MAPK10: variants seen among roughly 807,000 people sequenced by gnomAD.
MAPK10 encodes the protein mitogen-activated protein kinase 10, also known as JNK3 alpha protein kinase.
A neutral mutation model predicts 59.3 loss-of-function variants in MAPK10; 25 were observed. That is an observed-to-expected ratio of 0.42 (90% confidence interval 0.31 to 0.59). MAPK10 has a LOEUF of 0.59. Ranked by LOEUF, MAPK10 falls within the 20% of genes least tolerant of loss-of-function variation. The pLI is 0.15. For missense variants in MAPK10, 351 were observed against 568.9 expected, an observed-to-expected ratio of 0.62 and a Z score of 3.90; for synonymous variants, 190 against 200.5, an observed-to-expected ratio of 0.95 and a Z score of 0.44.
intron 4 of MAPK10, among the ~76,000 whole-genome samples, chr4:86,127,313 A>G (rs976266876): frequency 6.6e-6 from 1 of 151,944 alleles, no homozygotes; most frequent in Non-Finnish European, 1.5e-5. Context: ...AGTGTCTGGC[A>G]TATAGTTAGC....
chr4:86,549,827 A>C (rs746029590), intron 1 of MAPK10, among the ~76,000 whole-genome samples: 2 of 152,174 alleles, frequency 1.3e-5, no homozygotes, highest in Non-Finnish European at 2.9e-5. Context: ...CCTGGGTGAC[A>C]GCACAAGGCC....
intron 11 of MAPK10, among the ~76,000 whole-genome samples, chr4:86,034,554 C>T (rs1276627039): frequency 3.3e-5 from 5 of 152,080 alleles, no homozygotes; most frequent in Non-Finnish European, 7.3e-5. Context: ...CAGTAAAGGT[C>T]TTGGGCACCT....
intron 2 of MAPK10, among the ~76,000 whole-genome samples, chr4:86,329,807 G>A (rs950291658): frequency 4.0e-5 from 6 of 150,438 alleles, no homozygotes; most frequent in African/African-American, 1.5e-4. Context: ...GCACTTTTTG[G>A]GAAAACCCAT....
chr4:86,217,865 A>G (rs1030431476), intron 2 of MAPK10, among the ~76,000 whole-genome samples: 7 of 152,102 alleles, frequency 4.6e-5, no homozygotes, highest in Non-Finnish European at 8.8e-5. Context: ...CAGAAGATAA[A>G]TACATATTGA....
chr4:86,490,952 GATGAGT>G (rs1264800881), intron 1 of MAPK10, among the ~76,000 whole-genome samples: 3 of 152,160 alleles, frequency 2.0e-5, no homozygotes, highest in Non-Finnish European at 4.4e-5. Flanking sequence ...GGGAAAAAAG[GATGAGT>G]AATACAGAGT....
chr4:86,146,154 G>A (rs532863399), intron 4 of MAPK10, among the ~76,000 whole-genome samples: 1 of 152,324 alleles, frequency 6.6e-6, no homozygotes, highest in Non-Finnish European at 1.5e-5. Context: ...CCAGTGAGCT[G>A]AGAGTGAATA....
upstream of MAPK10, among the ~76,000 whole-genome samples, chr4:86,361,746 C>A (rs1578901052): frequency 1.3e-5 from 2 of 151,906 alleles, no homozygotes; most frequent in African/African-American, 2.4e-5. Context: ...CATAGATGAA[C>A]CTAGAGGACA....
chr4:86,513,229 G>A (rs535949966), intron 1 of MAPK10, among the ~76,000 whole-genome samples: 2 of 151,872 alleles, frequency 1.3e-5, no homozygotes, highest in African/African-American at 2.4e-5. Context: ...TTTACTTTTT[G>A]TAGAGACAGG....
At chr4:86,469,213 A>G (rs1752462741) in intron 1 of MAPK10, among the ~76,000 whole-genome samples, 1 of 152,124 alleles carries the variant, frequency 6.6e-6, no homozygotes, top group Non-Finnish European at 1.5e-5. Context: ...GCACCACTGC[A>G]CTCCAGCCTG....
chr4:86,480,242 C>G (rs550713750), intron 1 of MAPK10, among the ~76,000 whole-genome samples: 7 of 152,278 alleles, frequency 4.6e-5, no homozygotes, highest in Admixed American at 1.3e-4. Flanking sequence ...CTTGCCTTAA[C>G]TGATGACATT....
chr4:86,308,129 G>A (rs956485285), intron 2 of MAPK10, among the ~76,000 whole-genome samples: 1 of 152,130 alleles, frequency 6.6e-6, no homozygotes, highest in African/African-American at 2.4e-5. Flanking sequence ...TACAAAAAAA[G>A]AGAATTGATT....
At chr4:86,193,941 C>T (rs998434082) in intron 3 of MAPK10, 2 of 189,080 alleles carry the variant, frequency 1.1e-5, no homozygotes, top group Non-Finnish European at 1.1e-5. Flanking sequence ...GTAGCATCTG[C>T]GCCAGAGTGC....
intron 1 of MAPK10, among the ~76,000 whole-genome samples, chr4:86,501,303 A>G (rs950876779): frequency 6.6e-6 from 1 of 152,018 alleles, no homozygotes; most frequent in Non-Finnish European, 1.5e-5. Flanking sequence ...ATAGTCTTCA[A>G]CAGCTTTCAA....
chr4:86,136,224 A>C (rs1189424346), intron 4 of MAPK10, among the ~76,000 whole-genome samples: 1 of 152,150 alleles, frequency 6.6e-6, no homozygotes, highest in Admixed American at 6.5e-5. Context: ...ACTCCAAAAC[A>C]CATAATTGTC....
At chr4:86,135,879 A>C (rs1203519722) in intron 4 of MAPK10, among the ~76,000 whole-genome samples, 1 of 152,224 alleles carries the variant, frequency 6.6e-6, no homozygotes, top group East Asian at 1.9e-4. Context: ...CGAGAACTAC[A>C]TGAAGAATGC....
chr4:86,115,547 C>T (rs1370837691), intron 4 of MAPK10, among the ~76,000 whole-genome samples: 3 of 152,088 alleles, frequency 2.0e-5, no homozygotes, highest in South Asian at 2.1e-4. Context: ...CCGCAACCTC[C>T]GACCCCTGGG....
intron 6 of MAPK10, 172 bp downstream of exon 6, chr4:86,103,014 G>A: frequency 1.9e-6 from 1 of 523,518 alleles, no homozygotes; most frequent in South Asian, 3.1e-5. Flanking sequence ...ACATATCACT[G>A]GACCCCTTTC....
intron 2 of MAPK10, among the ~76,000 whole-genome samples, chr4:86,270,907 T>C (rs2094414650): frequency 2.0e-5 from 3 of 152,114 alleles, no homozygotes; most frequent in Non-Finnish European, 4.4e-5. Flanking sequence ...ATACTATAGT[T>C]TATTCACTTC....
intron 1 of MAPK10, among the ~76,000 whole-genome samples, chr4:86,532,938 A>G (rs1757949517): frequency 6.6e-6 from 1 of 152,156 alleles, no homozygotes; most frequent in South Asian, 2.1e-4. Flanking sequence ...GTTGGCTACC[A>G]CAGTATCCTA....
Sources: allele counts gnomAD v4.1 joint callset (sites outside exome capture counted in the v4.1 genomes callset), GRCh38; gene constraint gnomAD v4.1.1; transcripts MANE v1.5; gene names NCBI Gene and HGNC (gene_info 2026-07-23, HGNC 2026-07-21).